SMAGP: variants seen among roughly 807,000 people sequenced by gnomAD.
SMAGP encodes small cell adhesion glycoprotein.
SMAGP carries 7 observed loss-of-function variants against 10.1 expected under a neutral mutation model. That is an observed-to-expected ratio of 0.70 (90% CI 0.40 to 1.31). The LOEUF (loss-of-function observed/expected upper bound fraction) is 1.31. Among genes scored for constraint, SMAGP ranks in the 50% most tolerant of loss-of-function variants. The pLI is 0.01. For synonymous variants in SMAGP, 49 were observed against 47.2 expected (o/e 1.04, Z -0.16); for missense variants, 113 against 116.5 (o/e 0.97, Z 0.14).
intron 2 of SMAGP, among the ~76,000 whole-genome samples, chr12:51,257,672 G>C (rs1274227545): frequency 1.3e-5 from 2 of 152,046 alleles, no homozygotes; most frequent in Admixed American, 6.6e-5. Flanking sequence ...AGTCTCCCGA[G>C]TACCTGGGAT....
chr12:51,253,892 C>G (rs901261402), intron 2 of SMAGP, among the ~76,000 whole-genome samples: 11 of 151,936 alleles, frequency 7.2e-5, no homozygotes, highest in Non-Finnish European at 1.0e-4. Context: ...GGCGAAAGAG[C>G]GAGACTCTGT....
intron 2 of SMAGP, 113 bp from the exon 3 acceptor site, chr12:51,246,944 C>A: frequency 3.1e-6 from 2 of 646,476 alleles, no homozygotes; most frequent in South Asian, 2.3e-5. Flanking sequence ...AAAAGTTTAT[C>A]ATTTAACTCC....
At chr12:51,261,231 G>T (rs1156233716) in intron 2 of SMAGP, among the ~76,000 whole-genome samples, 2 of 148,636 alleles carry the variant, frequency 1.3e-5, no homozygotes, top group African/African-American at 5.0e-5. Context: ...AAGTAGCTGG[G>T]ATTACAGGCA....
chr12:51,256,219 G>A (rs898749382), intron 2 of SMAGP, among the ~76,000 whole-genome samples: 3 of 152,050 alleles, frequency 2.0e-5, no homozygotes, highest in Non-Finnish European at 4.4e-5. Flanking sequence ...ATGTGAGAGG[G>A]GTAAGCCTGC....
chr12:51,250,493 TTGTTG>T (rs953105209), intron 2 of SMAGP, among the ~76,000 whole-genome samples: 29 of 129,324 alleles, frequency 2.2e-4, no homozygotes, highest in African/African-American at 7.9e-4. Flanking sequence ...GTTGTTGTTG[TTGTTG>T]TGTTTTTTTT....
intron 2 of SMAGP, among the ~76,000 whole-genome samples, chr12:51,266,795 G>C (rs1341711912): frequency 1.3e-5 from 2 of 152,006 alleles, no homozygotes; most frequent in Admixed American, 6.6e-5. Context: ...TGGCTAAAAT[G>C]GTAATACCTG....
At chr12:51,262,068 G>GTC (rs985250583) in intron 2 of SMAGP, among the ~76,000 whole-genome samples, 25 of 151,130 alleles carry the variant, frequency 1.7e-4, no homozygotes, top group African/African-American at 5.8e-4. Flanking sequence ...CGAGACCCCT[G>GTC]TCTCTCTGTG....
chr12:51,248,432 ACACTCTCTCTCTCTCT>A (rs1162940541), intron 2 of SMAGP, among the ~76,000 whole-genome samples: 588 of 48,736 alleles, frequency 0.012, 3 homozygotes, highest in South Asian at 0.034. Context: ...ACACACACAC[ACACTCTCTCTCTCTCT>A]CTCTCTCTCT....
Position 51,264,954 on chromosome 12 carries a change from GAA to G in SMAGP, c.34+4289_34+4290del, listed in dbSNP as rs1491565064. ...CGCCAGAAAAAAAAAAAAAAAAAGAGAAAGAGAGAGAGGACTGATTCAACGAT... is the reference window on the plus strand; with the variant it reads ...CGCCAGAAAAAAAAAAAAAAAAAGAGAGAGAGAGAGGACTGATTCAACGAT... On this transcript the variant is annotated intron_variant, in intron 2 of 3. Transcript: ENST00000603798. Among the ~76,000 whole-genome samples, 714 of 145,876 alleles carry G rather than the reference GAA, an allele frequency of 4.9e-3. 23 individuals carry two copies. In the East Asian group the frequency reaches 0.097, roughly 20 times the overall value.
chr12:51,265,453 G>A (rs1479813113), intron 2 of SMAGP, among the ~76,000 whole-genome samples: 1 of 152,254 alleles, frequency 6.6e-6, no homozygotes, highest in South Asian at 2.1e-4. Context: ...ATAGCCAAAA[G>A]GTGGAAGCAA....
At chr12:51,259,965 T>C (rs540523435) in intron 2 of SMAGP, among the ~76,000 whole-genome samples, 1 of 152,300 alleles carries the variant, frequency 6.6e-6, no homozygotes, top group African/African-American at 2.4e-5. Context: ...TCCTGCCACC[T>C]TGGCCTCCCA....
intron 2 of SMAGP, among the ~76,000 whole-genome samples, chr12:51,249,669 G>C (rs1207241322): frequency 2.6e-5 from 4 of 151,892 alleles, no homozygotes; most frequent in Non-Finnish European, 5.9e-5. Context: ...CCAGGCTGGA[G>C]TGCAGTGGCG....
rs1315885722 is a variant in SMAGP at position 51,246,815 on chromosome 12, G to A, written c.51C>T (p.Thr17=). 1 of 1,579,860 alleles carries A rather than the reference G, an allele frequency of 6.3e-7. No individual in the cohort carries two copies. Among genetic ancestry groups the A allele is most frequent in the South Asian group, 1.2e-5 (1 of 85,642 alleles). The change falls in exon 3 of 4, where the codon ACC becomes ACT. Residue 17 remains threonine, a synonymous_variant. Transcript: ENST00000603798. ...GGGCCTCAGTGGGCTGTAAAATTGG[G>A]GTGGTCATCAGTTCTTCTGGAAAAT... The part of the protein sequence containing the change: ...TPSPREELMT[T]PILQPTEALS...
chr12:51,245,268 G>A lies in SMAGP; in HGVS notation c.*673C>T, dbSNP rs1010098577. ...CTTGGAAGAGAACATATGTAAAGGC[G>A]TTAAATAGGGAAAAGAAAATGTCAA... On this transcript the variant is annotated 3_prime_UTR_variant, in exon 4 of 4. Transcript: ENST00000603798. The A allele has an allele frequency of 6.6e-6, 1 of 152,308 alleles. No homozygotes were observed. The highest frequency in any genetic ancestry group is 2.4e-5 in the African/African-American group (1 of 41,422). 9.4% of individuals were successfully genotyped at this position (152,308 alleles called of 1,614,324 possible). A position where few individuals can be genotyped will look rare whatever the true frequency, so the allele number is the denominator to read the frequency against.
At chr12:51,257,701 C>T (rs991679459) in intron 2 of SMAGP, among the ~76,000 whole-genome samples, 9 of 152,150 alleles carry the variant, frequency 5.9e-5, no homozygotes, top group African/African-American at 2.2e-4. Context: ...CCCACCACTA[C>T]ACTTGGCTAA....
intron 2 of SMAGP, among the ~76,000 whole-genome samples, chr12:51,253,368 A>G (rs906439212): frequency 6.6e-6 from 1 of 152,150 alleles, no homozygotes; most frequent in African/African-American, 2.4e-5. Context: ...CCAGGATTAA[A>G]CAGAATTACC....
At position 51,254,297 on chromosome 12, in the gene SMAGP, C is replaced by T. The variant is rs539266038; in HGVS notation, c.35-7466G>A. On this transcript the variant is annotated intron_variant, in intron 2 of 3. Transcript: ENST00000603798. Reference sequence around the variant, plus strand: ...GGCGCGGTGGCTCATGCCTGTAATCCCAGCACTTTGGGAGGCCGAGGCGGG... The same window carrying T: ...GGCGCGGTGGCTCATGCCTGTAATCTCAGCACTTTGGGAGGCCGAGGCGGG... 4.6e-5 allele frequency among the ~76,000 whole-genome samples: 7 copies of T among 152,186 alleles called. No homozygotes were observed. The South Asian group carries it at 1.0e-3, about 23-fold the overall frequency.
Position 51,266,108 on chromosome 12 carries a change from T to C in SMAGP, c.34+3137A>G, listed in dbSNP as rs114662285. On this transcript the variant is annotated intron_variant, in intron 2 of 3. Transcript: ENST00000603798. ...AAAAAAAAAAACAACAGTAGTCCCC[T>C]CTTATCTGCGGTTTTGCTTTCCTAG... 5.5e-3 allele frequency among the ~76,000 whole-genome samples: 842 copies of C among 151,816 alleles called. 6 individuals carry two copies. The highest frequency in any genetic ancestry group is 0.019 in the African/African-American group (785 of 41,428).
In SMAGP at chr12:51,252,483, CT is replaced by C; in HGVS notation, c.35-5653del. Among the ~76,000 whole-genome samples the C allele has an allele frequency of 2.0e-5, 3 of 152,014 alleles. No homozygotes were observed. The East Asian group carries it at 5.8e-4, about 29-fold the overall frequency. On this transcript the variant is annotated intron_variant, in intron 2 of 3. Coordinates refer to ENST00000603798, the MANE Select transcript of SMAGP (RefSeq NM_001031628.2). The stretch of plus-strand genomic sequence containing the variant: ...CTCGGCTCACTGCAACCTCCGCCCC[CT>C]GGGTTCAAGCAATTCTCCTGCCTCA...
Sources: allele counts gnomAD v4.1 joint callset (sites outside exome capture counted in the v4.1 genomes callset), GRCh38; gene constraint gnomAD v4.1.1; transcripts MANE v1.5; gene names NCBI Gene and HGNC (gene_info 2026-07-23, HGNC 2026-07-21).